Variants in IL34 observed in about 807,000 individuals in gnomAD.
IL34 encodes the protein interleukin-34.
Under a neutral mutation model 25.3 loss-of-function variants are expected in IL34, and 17 were observed. The observed-to-expected ratio is 0.67, with a 90% CI of 0.46 to 1.01. The LOEUF (loss-of-function observed/expected upper bound fraction) is 1.01. Among genes scored for constraint, IL34 ranks in the 50% least tolerant of loss-of-function variants. The pLI, the probability that IL34 is intolerant of heterozygous loss-of-function variation, is 0.00. For missense variants in IL34, 368 were observed against 312.9 expected (o/e 1.18, Z -1.33); for synonymous variants, 174 against 140.9 (o/e 1.23, Z -1.66).
chr16:70,643,584 G>A (rs972125529), upstream of IL34, among the ~76,000 whole-genome samples: 3 of 151,936 alleles, frequency 2.0e-5, no homozygotes, highest in East Asian at 3.9e-4. Flanking sequence ...TATGTTGCCC[G>A]GGCTGGTCTC....
chr16:70,593,227 G>A (rs1243631785), intron 1 of IL34, among the ~76,000 whole-genome samples: 5 of 151,962 alleles, frequency 3.3e-5, no homozygotes, highest in African/African-American at 7.3e-5. Context: ...TATGTCTTTT[G>A]CAAATATTTT....
At chr16:70,653,601 G>C (rs923821897) in intron 1 of IL34, among the ~76,000 whole-genome samples, 2 of 152,130 alleles carry the variant, frequency 1.3e-5, no homozygotes, top group Non-Finnish European at 2.9e-5. Context: ...TGGAGGCTGA[G>C]GCAGAAGGAT....
intron 1 of IL34, among the ~76,000 whole-genome samples, chr16:70,594,528 T>C (rs922379484): frequency 6.6e-6 from 1 of 152,218 alleles, no homozygotes; most frequent in Admixed American, 6.5e-5. Flanking sequence ...CAGTTACTGA[T>C]GCCTGGTTCT....
chr16:70,581,367 A>T (rs1427979883), intron 1 of IL34, among the ~76,000 whole-genome samples: 1 of 150,700 alleles, frequency 6.6e-6, no homozygotes, highest in Non-Finnish European at 1.5e-5. Flanking sequence ...GCAATGAATA[A>T]TTCGACTTTT....
chr16:70,603,792 G>A (rs1469834935), intron 1 of IL34, among the ~76,000 whole-genome samples: 1 of 152,048 alleles, frequency 6.6e-6, no homozygotes, highest in East Asian at 1.9e-4. Context: ...ATGTTGCCCA[G>A]GCTGGTCTTG....
chr16:70,659,829 C>G, intron 5 of IL34, 76 bp downstream of exon 5: 1 of 1,531,720 alleles, frequency 6.5e-7, no homozygotes, highest in Non-Finnish European at 8.8e-7. Flanking sequence ...GCTGGCAGAG[C>G]TGGCGTCCTC....
At chr16:70,647,348 G>A (rs952021884) in intron 1 of IL34, among the ~76,000 whole-genome samples, 27 of 152,330 alleles carry the variant, frequency 1.8e-4, no homozygotes, top group Non-Finnish European at 3.2e-4. Context: ...GGCAGGGGCT[G>A]GTGAAAGTGT....
intron 1 of IL34, among the ~76,000 whole-genome samples, chr16:70,634,137 C>T (rs2051585054): frequency 6.6e-6 from 1 of 152,102 alleles, no homozygotes; most frequent in Non-Finnish European, 1.5e-5. Flanking sequence ...AGGTGTGAGC[C>T]ACCGTGCCCT....
chr16:70,632,786 C>T (rs1047559148), intron 1 of IL34, among the ~76,000 whole-genome samples: 4 of 152,108 alleles, frequency 2.6e-5, no homozygotes, highest in Admixed American at 2.6e-4. Flanking sequence ...AGTACTGCCT[C>T]TCAAGGTGAA....
At chr16:70,658,240 C>T (rs189680740) in intron 4 of IL34, among the ~76,000 whole-genome samples, 15 of 152,320 alleles carry the variant, frequency 9.8e-5, no homozygotes, top group African/African-American at 4.8e-5. Flanking sequence ...CTGGAGCTTT[C>T]CTGGAACCAG....
At position 70,625,202 on chromosome 16, in the gene IL34, C is replaced by G. The variant is rs544590204; in HGVS notation, c.-400-21346C>G. ...AAGAGGTTTTAAGTTCGTGAGAAGT[C>G]AGGCTAAGGGAGAAGGAGGAATGGA... On this transcript the variant is annotated intron_variant, in intron 1 of 6. Coordinates refer to the IL34 transcript ENST00000429149. 1.4e-3 allele frequency among the ~76,000 whole-genome samples: 205 copies of G among 151,554 alleles called. 7 individuals are homozygous for G. Among genetic ancestry groups the G allele is most frequent in the Non-Finnish European group, 1.2e-3 (79 of 67,928 alleles).
chr16:70,638,838 T>A (rs2051716622), intron 1 of IL34, among the ~76,000 whole-genome samples: 1 of 152,136 alleles, frequency 6.6e-6, no homozygotes, highest in Non-Finnish European at 1.5e-5. Flanking sequence ...TGCCTCAGCC[T>A]CCGAAAATGC....
At chr16:70,647,320 G>A (rs1388769606) in intron 1 of IL34, among the ~76,000 whole-genome samples, 1 of 152,200 alleles carries the variant, frequency 6.6e-6, no homozygotes, top group Non-Finnish European at 1.5e-5. Flanking sequence ...CCAGTCCTGG[G>A]TATGGCCGGT....
intron 1 of IL34, among the ~76,000 whole-genome samples, chr16:70,626,621 C>T (rs950337353): frequency 2.0e-5 from 3 of 152,148 alleles, no homozygotes; most frequent in African/African-American, 7.2e-5. Flanking sequence ...GTCTGGAACT[C>T]CTGACCTCAG....
At chr16:70,654,438 C>T in intron 1 of IL34, 100 bp from the exon 2 acceptor site, 1 of 1,458,856 alleles carries the variant, frequency 6.9e-7, no homozygotes, top group Middle Eastern at 1.8e-4. Context: ...GTGCTTGTCT[C>T]CTATGCAAAT....
chr16:70,614,455 T>A (rs912513508), intron 1 of IL34, among the ~76,000 whole-genome samples: 1 of 152,178 alleles, frequency 6.6e-6, no homozygotes, highest in Non-Finnish European at 1.5e-5. Context: ...TAACAGCCTC[T>A]CCAGGTGGTT....
intron 2 of IL34, among the ~76,000 whole-genome samples, chr16:70,656,093 A>T (rs907639146): frequency 1.3e-5 from 2 of 152,196 alleles, no homozygotes; most frequent in African/African-American, 4.8e-5. Flanking sequence ...TTTCTGCCTT[A>T]ACAGGAACTG....
chr16:70,636,119 G>C (rs1305106731), intron 1 of IL34, among the ~76,000 whole-genome samples: 1 of 151,472 alleles, frequency 6.6e-6, no homozygotes, highest in Non-Finnish European at 1.5e-5. Context: ...ACTCAATGTA[G>C]CCTTCACCTC....
chr16:70,658,069 G>T (rs978085162), intron 4 of IL34, among the ~76,000 whole-genome samples: 3 of 152,160 alleles, frequency 2.0e-5, no homozygotes, highest in Non-Finnish European at 4.4e-5. Flanking sequence ...GTCTCCACCA[G>T]ACCTCCTCAG....
Sources: gnomAD v4.1 joint callset for allele counts (sites outside exome capture counted in the v4.1 genomes callset) on GRCh38, gnomAD v4.1.1 for gene constraint, MANE v1.5 for transcripts, NCBI Gene and HGNC (gene_info 2026-07-23, HGNC 2026-07-21) for gene names.